The following SRCAP variants were observed in gnomAD, a reference collection of about 807,000 sequenced individuals.
SRCAP encodes the protein chromatin remodeling protein SRCAP.
In SRCAP, 46 loss-of-function variants were observed where a neutral mutation model predicts 263.1. The ratio of observed to expected loss-of-function variants is 0.17; its 90% CI spans 0.14 to 0.22. The LOEUF is 0.22. Among genes scored for constraint, SRCAP ranks in the 10% least tolerant of loss-of-function variants. The pLI is 1.00. For missense variants in SRCAP, 3,695 were observed against 4,181.9 expected, an observed-to-expected ratio of 0.88 and a Z score of 3.21; for synonymous variants, 1,813 against 1,662.1, an observed-to-expected ratio of 1.09 and a Z score of -2.21.
Position 30,729,045 on chromosome 16 carries a change from C to T in SRCAP, c.5738C>T (p.Ala1913Val). The change falls in exon 26 of 34, where the codon GCC becomes GTC. Residue 1913 changes from alanine to valine, a missense_variant. Coordinates refer to ENST00000262518, the MANE Select transcript of SRCAP (RefSeq NM_006662.3). ...RIFQLSEAHG[A>V]LAPVYGTEVL... ...TTCCAACTTAGTGAGGCTCATGGGG[C>T]CCTGGCACCTGTGTATGGGACTGAA... is the stretch of plus-strand genomic sequence containing the variant. 6.2e-7 allele frequency: 1 copy of T among 1,614,168 alleles called. No individual in the cohort carries two copies. The highest frequency in any genetic ancestry group is 8.5e-7 in the Non-Finnish European group (1 of 1,180,030).
chr16:30,724,055 C>T lies in SRCAP; in HGVS notation c.4631C>T (p.Ala1544Val). The change falls in exon 25 of 34, where the codon GCA becomes GTA. Residue 1544 changes from alanine to valine, a missense_variant. Ala to Val is a moderately conservative substitution (Grantham distance 64, BLOSUM62 0). Coordinates refer to ENST00000262518, the MANE Select transcript of SRCAP (RefSeq NM_006662.3). ...VPGLNSTVAPACSPVLVPASA... is the reference protein window; with the variant it reads ...VPGLNSTVAPVCSPVLVPASA... ...GGGTTGAACTCAACCGTGGCCCCAGCATGCTCACCTGTCCTGGTGCCAGCT... is the reference window on the plus strand; with the variant it reads ...GGGTTGAACTCAACCGTGGCCCCAGTATGCTCACCTGTCCTGGTGCCAGCT... 6.2e-7 allele frequency: 1 copy of T among 1,613,810 alleles called. No homozygotes were observed. Among genetic ancestry groups the T allele is most frequent in the Non-Finnish European group, 8.5e-7 (1 of 1,180,016 alleles).
chr16:30,736,322 A>T lies in SRCAP; in HGVS notation c.6852A>T (p.Glu2284Asp), dbSNP rs781244331. 2 of 1,614,140 alleles carry T rather than the reference A, an allele frequency of 1.2e-6. No individual in the cohort carries two copies. The highest frequency in any genetic ancestry group is 3.3e-5 in the Admixed American group (2 of 60,004). Residue 2284 changes from glutamate to aspartate, a missense_variant, in exon 32 of 34, where the codon GAA (glutamate) becomes GAT (aspartate). Physicochemically the swap from Glu to Asp is conservative, Grantham distance 45. Transcript: ENST00000262518. ...GGTTTCCTGCTGGTGAGGGAGAGGA[A>T]GCTGGCCGGCCTGGGGCTGAGGATG... Reference protein sequence around the residue: ...NDGFPAGEGEEAGRPGAEDEE... With the variant: ...NDGFPAGEGEDAGRPGAEDEE...
rs753346301 is a variant in SRCAP at position 30,728,949 on chromosome 16, T to C, written c.5659-17T>C. The C allele has an allele frequency of 2.5e-6, 4 of 1,601,586 alleles. No individual in the cohort carries two copies. In the East Asian group the frequency reaches 6.7e-5, roughly 27 times the overall value. On this transcript the variant is annotated splice_polypyrimidine_tract_variant and intron_variant, in intron 25 of 33. Transcript: ENST00000262518. ...TCTGAGGGTGCTGATTACTTCCTCT[T>C]TTTCTCTCACCCCCAGGACTCCCTG... is the stretch of plus-strand genomic sequence containing the variant.
rs2053180242 is a variant in SRCAP at position 30,738,236 on chromosome 16, T to A, written c.8196T>A (p.Gly2732=). The change falls in exon 34 of 34, where the codon GGT becomes GGA. Residue 2732 remains glycine (G), a synonymous_variant. Transcript: ENST00000262518. ...CCAGTGCTGATGTGGAAATTAGGGG[T>A]CAAGGGACTGGTCGGCCAGGACAAC... ...RRTSADVEIR[G]QGTGRPGQPP... 2 of 1,613,746 alleles carry A rather than the reference T, an allele frequency of 1.2e-6. No individual in the cohort carries two copies. The highest frequency in any genetic ancestry group is 1.7e-6 in the Non-Finnish European group (2 of 1,179,902).
At chr16:30,735,292 G>A (rs928755061) in intron 31 of SRCAP, among the ~76,000 whole-genome samples, 2 of 149,200 alleles carry the variant, frequency 1.3e-5, no homozygotes, top group East Asian at 3.9e-4. Context: ...GACTACAGGC[G>A]CCCGCCACTA....
rs1489610376 is a variant in SRCAP at position 30,707,270 on chromosome 16, C to T, written c.394C>T (p.Arg132Cys). Residue 132 changes from arginine (R) to cysteine (C), a missense_variant, in exon 5 of 34, where the codon CGC becomes TGC. Around this residue, in one of 12 missense-constraint regions of SRCAP, gnomAD observed 107 missense variants for 223.8 expected, o/e 0.48. Transcript: ENST00000262518. Reference sequence around the variant, plus strand: ...GCTGCCTAAGGTGCCAGAGCCCCCTCGCCCCAAAGGTCACTGGGACTATTT... The same window carrying T: ...GCTGCCTAAGGTGCCAGAGCCCCCTTGCCCCAAAGGTCACTGGGACTATTT... ...KRLPKVPEPP[R>C]PKGHWDYLCE... The T allele has an allele frequency of 2.5e-6, 4 of 1,614,038 alleles. No individual in the cohort carries two copies. Among genetic ancestry groups the T allele is most frequent in the East Asian group, 2.2e-5 (1 of 44,890 alleles).
At position 30,713,721 on chromosome 16, in the gene SRCAP, G is replaced by A. The variant is rs2052915378; in HGVS notation, c.2493+10G>A. On this transcript the variant is annotated intron_variant, in intron 16 of 33. Coordinates refer to ENST00000262518, the MANE Select transcript of SRCAP (RefSeq NM_006662.3). ...CAAACGCCTCCACAAGGTAGGGCCT[G>A]CAACAGTTTGTCAGGGTATTGGGAA... The A allele has an allele frequency of 6.2e-7, 1 of 1,612,778 alleles. No individual in the cohort carries two copies. Among genetic ancestry groups the A allele is most frequent in the South Asian group, 1.1e-5 (1 of 91,014 alleles).
chr16:30,721,557 C>A, intron 21 of SRCAP, 81 bp downstream of exon 21: 2 of 1,522,558 alleles, frequency 1.3e-6, no homozygotes, highest in East Asian at 2.3e-5. Context: ...TTTTAGGCAG[C>A]TGGGTCAGGC....
At chr16:30,710,678 C>CA in intron 8 of SRCAP, 76 bp from the exon 9 acceptor site, 1 of 1,425,722 alleles carries the variant, frequency 7.0e-7, no homozygotes, top group Non-Finnish European at 9.9e-7. Context: ...TCTCCTGTGA[C>CA]ACCTTTTTCA....
At chr16:30,721,045 G>C in intron 20 of SRCAP, 67 bp downstream of exon 20, 1 of 1,548,318 alleles carries the variant, frequency 6.5e-7, no homozygotes. Context: ...TGAGGAGGAA[G>C]TAGTGAAATT....
intron 14 of SRCAP, 82 bp downstream of exon 14, chr16:30,712,897 C>G: frequency 6.6e-7 from 1 of 1,513,740 alleles, no homozygotes; most frequent in Non-Finnish European, 8.9e-7. Context: ...ATTCCTTTCT[C>G]TCCTCTTTCT....
chr16:30,720,969 C>G lies in SRCAP; in HGVS notation c.3244C>G (p.Leu1082Val), dbSNP rs373743663. ...LPPLQPNSGS[L>V]PQVLPSPLGV... Reference sequence around the variant, plus strand: ...TCCACTGCAGCCCAACAGTGGTTCTCTCCCCCAGGGTGAGTTGAAAGGGAG... The same window carrying G: ...TCCACTGCAGCCCAACAGTGGTTCTGTCCCCCAGGGTGAGTTGAAAGGGAG... The change falls in exon 20 of 34, where the codon CTC becomes GTC. Residue 1082 changes from leucine to valine, a missense_variant. Leu to Val is a conservative substitution (Grantham distance 32). This residue lies in a region of SRCAP where 1,347 missense variants were observed against 1,304.4 expected (regional missense o/e 1.03). Coordinates refer to ENST00000262518, the MANE Select transcript of SRCAP (RefSeq NM_006662.3). The G allele has an allele frequency of 2.5e-6, 4 of 1,605,366 alleles. No individual in the cohort carries two copies. Among genetic ancestry groups the G allele is most frequent in the Non-Finnish European group, 1.7e-6 (2 of 1,175,500 alleles).
At position 30,738,135 on chromosome 16, in the gene SRCAP, G is replaced by A. The variant is rs775621750; in HGVS notation, c.8095G>A (p.Ala2699Thr). 6.2e-7 allele frequency: 1 copy of A among 1,614,170 alleles called. No homozygotes were observed. The highest frequency in any genetic ancestry group is 8.5e-7 in the Non-Finnish European group (1 of 1,180,034). ...KPQELVTAEV[A>T]APSTSSSATS... ...ACAGGAACTCGTTACAGCTGAGGTT[G>A]CAGCTCCATCCACCTCATCTTCAGC... The change falls in exon 34 of 34, where the codon GCA becomes ACA. Residue 2699 changes from alanine (A) to threonine (T), a missense_variant. This residue lies in a region of SRCAP where 1,207 missense variants were observed against 1,142.9 expected (regional missense o/e 1.06). Transcript: ENST00000262518.
At position 30,739,843 on chromosome 16, in the gene SRCAP, CAT is replaced by C. The variant is rs1276775042; in HGVS notation, c.*112_*113del. 2.7e-5 allele frequency: 38 copies of C among 1,402,114 alleles called. No homozygotes were observed. The highest frequency in any genetic ancestry group is 7.3e-5 in the African/African-American group (5 of 68,468). 86.9% of individuals were successfully genotyped at this position (1,402,114 alleles called of 1,614,324 possible). The stretch of plus-strand genomic sequence containing the variant: ...TTGAGGGGGAAAGCCTCCAGGGAGA[CAT>C]AGGGGCCTTCTCCCTTCTTCCCACC... On this transcript the variant is annotated 3_prime_UTR_variant, in exon 34 of 34. Transcript: ENST00000262518.
At chr16:30,736,739 C>A in intron 33 of SRCAP, 115 bp downstream of exon 33, 3 of 1,112,006 alleles carry the variant, frequency 2.7e-6, no homozygotes, top group Non-Finnish European at 3.9e-6. Context: ...GTGGCACAAT[C>A]TCGGGTCACT....
chr16:30,720,621 C>A, intron 19 of SRCAP, 92 bp from the exon 20 acceptor site: 1 of 1,383,344 alleles, frequency 7.2e-7, no homozygotes, highest in Non-Finnish European at 9.8e-7. Flanking sequence ...CTTTTATAAT[C>A]TGTCTCTCTG....
At chr16:30,727,624 C>T (rs2053075858) in intron 25 of SRCAP, among the ~76,000 whole-genome samples, 1 of 152,194 alleles carries the variant, frequency 6.6e-6, no homozygotes, top group African/African-American at 2.4e-5. Flanking sequence ...GCGATCTCAG[C>T]TCACTGCAAC....
intron 27 of SRCAP, among the ~76,000 whole-genome samples, chr16:30,731,357 G>T (rs1243897893): frequency 1.3e-5 from 2 of 152,076 alleles, no homozygotes; most frequent in Non-Finnish European, 2.9e-5. Flanking sequence ...GGTTAATCAG[G>T]TTCTTTTACC....
At position 30,716,123 on chromosome 16, in the gene SRCAP, A is replaced by G. The variant is rs1475033118; in HGVS notation, c.2551A>G (p.Lys851Glu). Reference sequence around the variant, plus strand: ...GGTGGATGTTGAGAAGCAGATGCCCAAAAAGTACGAGCATGTTATCCGCTG... The same window carrying G: ...GGTGGATGTTGAGAAGCAGATGCCCGAAAAGTACGAGCATGTTATCCGCTG... ...VKVDVEKQMP[K>E]KYEHVIRCRL... Residue 851 changes from lysine (K) to glutamate (E), a missense_variant, in exon 17 of 34, where the codon AAA becomes GAA. This residue lies in a region of SRCAP where 147 missense variants were observed against 212.7 expected (regional missense o/e 0.69). Coordinates refer to ENST00000262518, the MANE Select transcript of SRCAP (RefSeq NM_006662.3). 6.2e-7 allele frequency: 1 copy of G among 1,614,216 alleles called. No individual in the cohort carries two copies. Among genetic ancestry groups the G allele is most frequent in the Admixed American group, 1.7e-5 (1 of 60,026 alleles).
Sources: allele counts gnomAD v4.1 joint callset (sites outside exome capture counted in the v4.1 genomes callset), GRCh38; gene constraint gnomAD v4.1.1; regional missense constraint gnomAD v4.1.1; transcripts MANE v1.5; gene names NCBI Gene and HGNC (gene_info 2026-07-23, HGNC 2026-07-21).